The following F13A1 variants were observed in gnomAD, a reference collection of about 807,000 sequenced individuals.
F13A1 encodes coagulation factor XIII A chain, also known as FSF, A subunit.
A neutral mutation model predicts 80.1 loss-of-function variants in F13A1; 47 were observed. That is an observed-to-expected ratio of 0.59 (90% CI 0.46 to 0.75). F13A1 has a LOEUF of 0.75. F13A1 is among the 30% of genes least tolerant of loss of function. The pLI is 0.00. For missense variants in F13A1, 817 were observed against 930.4 expected (o/e 0.88, Z 1.59); for synonymous variants, 349 against 344.9 (o/e 1.01, Z -0.13).
intron 3 of F13A1, among the ~76,000 whole-genome samples, chr6:6,297,269 C>G (rs11962953): frequency 0.067 from 10,185 of 151,808 alleles, 862 homozygotes; most frequent in African/African-American, 0.2. Context: ...CATGAAATGA[C>G]TTAGGGAGGA....
intron 6 of F13A1, among the ~76,000 whole-genome samples, chr6:6,247,746 G>T (rs1045091172): frequency 6.6e-6 from 1 of 152,214 alleles, no homozygotes; most frequent in Non-Finnish European, 1.5e-5. Context: ...TCCTTACCCT[G>T]TGTCCTAACT....
rs60016287 is a variant in F13A1 at position 6,178,044 on chromosome 6, AGGGG to A, written c.1460-3181_1460-3178del. Among the ~76,000 whole-genome samples the A allele has an allele frequency of 4.1e-4, 39 of 96,078 alleles. 2 individuals are homozygous for A. The highest frequency in any genetic ancestry group is 4.8e-4 in the African/African-American group (11 of 22,910). 63.0% of individuals were successfully genotyped at this position (96,078 alleles called of 152,430 possible). ...TGGATGCCCTGGAGGCCACAGGGAG[AGGGG>A]GGGGGGGGTGGGGCTTTTAAGCAGT... On this transcript the variant is annotated intron_variant, in intron 11 of 14. Transcript: ENST00000264870.
At chr6:6,172,257 A>G (rs571390887) in intron 12 of F13A1, among the ~76,000 whole-genome samples, 1 of 152,214 alleles carries the variant, frequency 6.6e-6, no homozygotes, top group African/African-American at 2.4e-5. Flanking sequence ...TGACACAGTC[A>G]TCGCTTACAT....
intron 10 of F13A1, among the ~76,000 whole-genome samples, chr6:6,184,993 T>G (rs1761052877): frequency 6.6e-6 from 1 of 152,114 alleles, no homozygotes; most frequent in Non-Finnish European, 1.5e-5. Context: ...TCTAGGAGCT[T>G]AAAAAAGCAT....
In F13A1 at chr6:6,320,613, C is replaced by T; in HGVS notation, c.-45G>A. The T allele has an allele frequency of 2.1e-6, 1 of 470,214 alleles. No individual in the cohort carries two copies. 29.1% of individuals were successfully genotyped at this position (470,214 alleles called of 1,614,324 possible). Reference sequence around the variant, plus strand: ...TGCAGGCGCTCCCCTCCAGAGGTGCCCTCGCGTGGGCTTGCTCTGTGCGCC... The same window carrying T: ...TGCAGGCGCTCCCCTCCAGAGGTGCTCTCGCGTGGGCTTGCTCTGTGCGCC... On this transcript the variant is annotated 5_prime_UTR_variant, in exon 1 of 15. Transcript: ENST00000264870.
At chr6:6,320,480 C>T (rs886986850) in intron 1 of F13A1, 107 bp downstream of exon 1, 9 of 339,812 alleles carry the variant, frequency 2.6e-5, no homozygotes, top group Admixed American at 1.7e-4. Flanking sequence ...CTGTGACCGG[C>T]GCCACAGGGC....
chr6:6,231,254 T>C (rs1391229996), intron 6 of F13A1, among the ~76,000 whole-genome samples: 1 of 152,156 alleles, frequency 6.6e-6, no homozygotes, highest in Non-Finnish European at 1.5e-5. Context: ...CAGGAAACTT[T>C]GCACACACTT....
At chr6:6,205,606 G>A (rs1308617877) in intron 8 of F13A1, among the ~76,000 whole-genome samples, 1 of 152,130 alleles carries the variant, frequency 6.6e-6, no homozygotes, top group Non-Finnish European at 1.5e-5. Context: ...CAAGAGAATT[G>A]TAAAGCAGCT....
chr6:6,222,799 C>A (rs891336827), intron 7 of F13A1, among the ~76,000 whole-genome samples: 1 of 152,122 alleles, frequency 6.6e-6, no homozygotes, highest in Non-Finnish European at 1.5e-5. Flanking sequence ...ACTTGGCTTG[C>A]CTTTTTATTT....
intron 14 of F13A1, among the ~76,000 whole-genome samples, 160 bp from the exon 15 acceptor site, chr6:6,145,932 A>C (rs1168710722): frequency 6.6e-6 from 1 of 152,158 alleles, no homozygotes; most frequent in Non-Finnish European, 1.5e-5. Flanking sequence ...TTATGCCCCA[A>C]ATGAGGCCCC....
At chr6:6,307,457 C>T (rs928451681) in intron 2 of F13A1, among the ~76,000 whole-genome samples, 1 of 152,132 alleles carries the variant, frequency 6.6e-6, no homozygotes, top group Non-Finnish European at 1.5e-5. Flanking sequence ...ATAAACCAGC[C>T]CAAGAATGAG....
intron 3 of F13A1, among the ~76,000 whole-genome samples, chr6:6,298,006 T>C (rs1227809150): frequency 0.026 from 3,777 of 144,534 alleles, 160 homozygotes; most frequent in African/African-American, 0.086. Flanking sequence ...TCATTATGTA[T>C]CCAGTAGTCA....
intron 6 of F13A1, among the ~76,000 whole-genome samples, chr6:6,230,719 C>T (rs143802095): frequency 0.012 from 1,775 of 152,268 alleles, 28 homozygotes; most frequent in Non-Finnish European, 0.017. Context: ...CCGGAATAGG[C>T]GCTATTCCGG....
chr6:6,197,175 C>T (rs1296013494), intron 9 of F13A1, 48 bp downstream of exon 9: 3 of 1,576,110 alleles, frequency 1.9e-6, no homozygotes, highest in African/African-American at 1.3e-5. Flanking sequence ...AAAAGCAAAA[C>T]AAAGATCAGC....
intron 6 of F13A1, among the ~76,000 whole-genome samples, chr6:6,246,383 A>G (rs1022253652): frequency 2.6e-5 from 4 of 152,182 alleles, no homozygotes; most frequent in African/African-American, 9.7e-5. Flanking sequence ...ATAGAGGTGA[A>G]AGTGTTTTTG....
chr6:6,162,234 T>G lies in F13A1; in HGVS notation c.1908+5224A>C, dbSNP rs1360311832. ...ATAGCCTCAAGCTATCTTTTTCAGG[T>G]TACCCTTACTCATCCCTGCTCCCAG... On this transcript the variant is annotated intron_variant, in intron 13 of 14. Coordinates refer to ENST00000264870, the MANE Select transcript of F13A1 (RefSeq NM_000129.4). This position sits in a 1 kb window ranked among gnomAD's most constrained non-coding sequence, Gnocchi z 4.2. 4.2e-5 allele frequency among the ~76,000 whole-genome samples: 6 copies of G among 143,982 alleles called. No homozygotes were observed. The highest frequency in any genetic ancestry group is 7.7e-5 in the Non-Finnish European group (5 of 64,780). The allele number at this position is 143,982 out of a possible 152,430, so 94.5% of individuals were successfully genotyped here. A position where few individuals can be genotyped will look rare whatever the true frequency, so the allele number is the denominator to read the frequency against.
At chr6:6,241,591 A>G (rs1289648843) in intron 6 of F13A1, among the ~76,000 whole-genome samples, 1 of 152,224 alleles carries the variant, frequency 6.6e-6, no homozygotes, top group African/African-American at 2.4e-5. Context: ...GACAATGCCC[A>G]TTGAGCACCT....
chr6:6,261,247 G>A lies in F13A1; in HGVS notation c.571+5311C>T, dbSNP rs563885651. Among the ~76,000 whole-genome samples, 731 of 152,310 alleles carry A rather than the reference G, an allele frequency of 4.8e-3. 2 individuals are homozygous for A. Among genetic ancestry groups the A allele is most frequent in the African/African-American group, 0.014 (577 of 41,562 alleles). On this transcript the variant is annotated intron_variant, in intron 4 of 14. Coordinates refer to ENST00000264870, the MANE Select transcript of F13A1 (RefSeq NM_000129.4). ...CTCCCGAAGTGCTGGGATTACAGGC[G>A]TGAGCCACTGGGCCCGGCCCTGCCT...
At position 6,305,492 on chromosome 6, in the gene F13A1, T is replaced by C; in HGVS notation, c.178A>G (p.Thr60Ala). The C allele has an allele frequency of 9.3e-6, 15 of 1,614,244 alleles. No individual in the cohort carries two copies. The highest frequency in any genetic ancestry group is 1.6e-4 in the Middle Eastern group (1 of 6,062). ...TCAGTGTGGTGGTCCACCTTGTTAG[T>C]GTCCCATCTCTCCTTGAACAGGTGA... ...SVHLFKERWDTNKVDHHTDKY... is the reference protein window; with the variant it reads ...SVHLFKERWDANKVDHHTDKY... The change falls in exon 3 of 15, where the codon ACT becomes GCT. Residue 60 changes from threonine to alanine, a missense_variant. Transcript: ENST00000264870.
Sources: gnomAD v4.1 joint callset for allele counts (sites outside exome capture counted in the v4.1 genomes callset) on GRCh38, gnomAD v4.1.1 for gene constraint, Gnocchi (gnomAD v3.1) non-coding constraint, MANE v1.5 for transcripts, NCBI Gene and HGNC (gene_info 2026-07-23, HGNC 2026-07-21) for gene names.